Variants in R3HDM2 observed in about 807,000 individuals in gnomAD.
The protein encoded by R3HDM2 is R3H domain-containing protein 2.
A neutral mutation model predicts 124.5 loss-of-function variants in R3HDM2; 38 were observed. The ratio of observed to expected loss-of-function variants is 0.31; its 90% confidence interval spans 0.24 to 0.40. R3HDM2 has a LOEUF of 0.40. R3HDM2 is among the 10% of genes least tolerant of loss of function. The pLI is 1.00. For missense variants in R3HDM2, 869 were observed against 1,236.9 expected (o/e 0.70, Z 4.46); for synonymous variants, 391 against 448.0 (o/e 0.87, Z 1.61).
intron 2 of R3HDM2, among the ~76,000 whole-genome samples, chr12:57,354,608 G>A (rs1230230840): frequency 6.6e-6 from 1 of 151,818 alleles, no homozygotes; most frequent in East Asian, 1.9e-4. Context: ...TTTTTTTAAT[G>A]AGTAATACTG....
chr12:57,346,509 T>A (rs2060107654), intron 2 of R3HDM2, among the ~76,000 whole-genome samples: 1 of 151,170 alleles, frequency 6.6e-6, no homozygotes, highest in African/African-American at 2.4e-5. Flanking sequence ...TGGGACAACA[T>A]TTTTTTTAAA....
chr12:57,409,269 A>G (rs2068795376), intron 1 of R3HDM2, among the ~76,000 whole-genome samples: 1 of 152,140 alleles, frequency 6.6e-6, no homozygotes, highest in African/African-American at 2.4e-5. Flanking sequence ...TTAAGTTTTT[A>G]CTCTAGTAAA....
intron 2 of R3HDM2, among the ~76,000 whole-genome samples, chr12:57,325,071 C>A (rs574356094): frequency 6.6e-6 from 1 of 152,282 alleles, no homozygotes; most frequent in South Asian, 2.1e-4. Flanking sequence ...CCTGCCAACA[C>A]CTTGATCTTG....
chr12:57,265,636 T>A (rs908249128), intron 19 of R3HDM2, among the ~76,000 whole-genome samples: 1 of 151,816 alleles, frequency 6.6e-6, no homozygotes, highest in African/African-American at 2.4e-5. Flanking sequence ...TCTTTTTTTT[T>A]CCCCCTAGAG....
chr12:57,256,150 G>A (rs776461915), intron 22 of R3HDM2, 76 bp from the exon 23 acceptor site: 20 of 1,448,202 alleles, frequency 1.4e-5, no homozygotes, highest in Non-Finnish European at 1.7e-5. Context: ...CTGCCTGAGA[G>A]ATTGTGGAGT....
At chr12:57,315,286 C>A (rs1213067678) in intron 2 of R3HDM2, among the ~76,000 whole-genome samples, 1 of 152,188 alleles carries the variant, frequency 6.6e-6, no homozygotes, top group Non-Finnish European at 1.5e-5. Context: ...GATCCACCCA[C>A]CACTTCGGCC....
At chr12:57,398,221 AAAAG>A (rs1372290222) in intron 1 of R3HDM2, among the ~76,000 whole-genome samples, 2 of 152,028 alleles carry the variant, frequency 1.3e-5, no homozygotes, top group African/African-American at 4.8e-5. Context: ...AAAAAAAAGA[AAAAG>A]AAAAAGAAAT....
chr12:57,391,633 G>GCTA (rs1332610360), intron 2 of R3HDM2, among the ~76,000 whole-genome samples: 1 of 152,092 alleles, frequency 6.6e-6, no homozygotes, highest in Admixed American at 6.6e-5. Context: ...TTTACCAATG[G>GCTA]CTACTTCCTA....
intron 1 of R3HDM2, chr12:57,418,224 C>T: frequency 1.0e-6 from 1 of 985,422 alleles, no homozygotes; most frequent in Non-Finnish European, 1.2e-6. Flanking sequence ...CCTCTTCCCA[C>T]ATTTAAACAA....
chr12:57,388,053 C>T (rs1480745026), intron 2 of R3HDM2, among the ~76,000 whole-genome samples: 1 of 152,136 alleles, frequency 6.6e-6, no homozygotes, highest in Non-Finnish European at 1.5e-5. Flanking sequence ...CAAACTCCGC[C>T]TCCCAGGTTC....
At chr12:57,327,247 A>G in intron 2 of R3HDM2, among the ~76,000 whole-genome samples, 1 of 152,126 alleles carries the variant, frequency 6.6e-6, no homozygotes, top group East Asian at 1.9e-4. Flanking sequence ...CAGGCAGATC[A>G]CCTGAGGTTA....
intron 4 of R3HDM2, 96 bp from the exon 5 acceptor site, chr12:57,300,277 GTGT>G: frequency 9.1e-7 from 1 of 1,096,014 alleles, no homozygotes; most frequent in Admixed American, 2.1e-5. Context: ...TGAATGAAAA[GTGT>G]CCTCTTTGGC....
intron 17 of R3HDM2, chr12:57,268,675 G>A: frequency 1.4e-6 from 1 of 690,206 alleles, no homozygotes; most frequent in South Asian, 2.0e-5. Context: ...AAAGAAAGGA[G>A]CCTGATTTCC....
At position 57,370,409 on chromosome 12, in the gene R3HDM2, G is replaced by A. The variant is rs1027595612; in HGVS notation, c.-36+25340C>T. On this transcript the variant is annotated intron_variant, in intron 2 of 23. Transcript: ENST00000402412. Reference sequence around the variant, plus strand: ...ACTTTGGGAGGCCCGGGGGGGGGGGGCGGGGTGGATCACCTGAGGTCGGGA... The same window carrying A: ...ACTTTGGGAGGCCCGGGGGGGGGGGACGGGGTGGATCACCTGAGGTCGGGA... Among the ~76,000 whole-genome samples the A allele has an allele frequency of 2.0e-5, 2 of 99,352 alleles. 1 individual carries two copies. Among genetic ancestry groups the A allele is most frequent in the Non-Finnish European group, 4.3e-5 (2 of 46,054 alleles). 65.2% of individuals were successfully genotyped at this position (99,352 alleles called of 152,430 possible). A position where few individuals can be genotyped will look rare whatever the true frequency, so the allele number is the denominator to read the frequency against.
At chr12:57,404,435 C>T (rs954833211) in intron 1 of R3HDM2, among the ~76,000 whole-genome samples, 1 of 151,504 alleles carries the variant, frequency 6.6e-6, no homozygotes, top group African/African-American at 2.4e-5. Context: ...CAGTGGCTCA[C>T]ACCTGTAATC....
chr12:57,338,371 C>G (rs535982369), intron 2 of R3HDM2, among the ~76,000 whole-genome samples: 6 of 151,998 alleles, frequency 3.9e-5, no homozygotes, highest in Non-Finnish European at 8.8e-5. Flanking sequence ...ACAAAAATAC[C>G]CATGATCAAC....
intron 1 of R3HDM2, 47 bp downstream of exon 1, chr12:57,430,673 A>C: frequency 9.9e-5 from 78 of 785,030 alleles, no homozygotes; most frequent in South Asian, 1.2e-4. Flanking sequence ...CCCCCTCCCC[A>C]CAGGCCGTCC....
rs534928939 is a variant in R3HDM2, at chr12:57,378,893, G to A, written c.-36+16856C>T. Among the ~76,000 whole-genome samples the A allele has an allele frequency of 3.3e-5, 5 of 152,304 alleles. No homozygotes were observed. The South Asian group carries it at 8.3e-4, about 25-fold the overall frequency. ...TATACATGCAACAGAATAATATTCA[G>A]CCTTAAAAAGGAAATTCTGACATAT... On this transcript the variant is annotated intron_variant, in intron 2 of 23. Coordinates refer to ENST00000402412, the MANE Select transcript of R3HDM2 (RefSeq NM_001394031.1).
rs1264181892 is a variant in R3HDM2 at position 57,395,829 on chromosome 12, AG to A, written c.-105-12del. 5 of 975,266 alleles carry A rather than the reference AG, an allele frequency of 5.1e-6. No individual in the cohort carries two copies. Among genetic ancestry groups the A allele is most frequent in the African/African-American group, 1.8e-5 (1 of 56,904 alleles). 60.4% of individuals were successfully genotyped at this position (975,266 alleles called of 1,614,324 possible). Reference sequence around the variant, plus strand: ...AAACAAGTCTAACCTCTGGGGGAGGAGGGGGAAAAAAAAAAACAAGTTAAAA... The same window carrying A: ...AAACAAGTCTAACCTCTGGGGGAGGAGGGGAAAAAAAAAAACAAGTTAAAA... On this transcript the variant is annotated splice_polypyrimidine_tract_variant and intron_variant, in intron 1 of 23. Coordinates refer to ENST00000402412, the MANE Select transcript of R3HDM2 (RefSeq NM_001394031.1).
Sources: gnomAD v4.1 joint callset for allele counts (sites outside exome capture counted in the v4.1 genomes callset) on GRCh38, gnomAD v4.1.1 for gene constraint, MANE v1.5 for transcripts, NCBI Gene and HGNC (gene_info 2026-07-23, HGNC 2026-07-21) for gene names.